The following IFTAP variants were observed in gnomAD, a reference collection of about 807,000 sequenced individuals.
The protein encoded by IFTAP is intraflagellar transport associated protein, also known as intraflagellar transport-associated protein.
IFTAP carries 19 observed loss-of-function variants against 19.4 expected under a neutral mutation model. The observed-to-expected ratio is 0.98, with a 90% confidence interval of 0.68 to 1.44. The LOEUF (loss-of-function observed/expected upper bound fraction) is 1.44. Among genes scored for constraint, IFTAP ranks in the 40% most tolerant of loss-of-function variants. The pLI is 0.00. For missense variants in IFTAP, 240 were observed against 253.6 expected, an observed-to-expected ratio of 0.95 and a Z score of 0.36; for synonymous variants, 85 against 83.5, an observed-to-expected ratio of 1.02 and a Z score of -0.10.
intron 2 of IFTAP, among the ~76,000 whole-genome samples, chr11:36,612,079 A>G (rs1851897897): frequency 6.6e-6 from 1 of 152,072 alleles, no homozygotes; most frequent in Non-Finnish European, 1.5e-5. Flanking sequence ...GGACTTTGAT[A>G]TATTTAGGGG....
chr11:36,619,725 A>T lies in IFTAP; in HGVS notation c.136+9486A>T, dbSNP rs1303981585. Among the ~76,000 whole-genome samples the T allele has an allele frequency of 3.9e-5, 6 of 152,026 alleles. No individual in the cohort carries two copies. In the East Asian group the frequency reaches 1.2e-3, roughly 29 times the overall value. On this transcript the variant is annotated intron_variant, in intron 2 of 5. Transcript: ENST00000334307. ...AGCTTTATGCTTCCAGGTGGCACTG[A>T]AGCCACATTTTCAGTGCCGTTGTTA...
At chr11:36,655,939 C>T (rs1490435618) in intron 5 of IFTAP, among the ~76,000 whole-genome samples, 1 of 151,966 alleles carries the variant, frequency 6.6e-6, no homozygotes, top group East Asian at 1.9e-4. Flanking sequence ...AGAAAATCAT[C>T]CTCCATGACA....
chr11:36,612,171 A>G lies in IFTAP; in HGVS notation c.136+1932A>G, dbSNP rs1337004888. 2.0e-5 allele frequency among the ~76,000 whole-genome samples: 3 copies of G among 152,008 alleles called. No individual in the cohort carries two copies. In the East Asian group the frequency reaches 5.8e-4, roughly 29 times the overall value. Reference sequence around the variant, plus strand: ...ATGATCATTGCATGCTGAGAAAGAAACTGTTGCAGATGTGATAACTTCATT... The same window carrying G: ...ATGATCATTGCATGCTGAGAAAGAAGCTGTTGCAGATGTGATAACTTCATT... On this transcript the variant is annotated intron_variant, in intron 2 of 5. Transcript: ENST00000334307.
intron 5 of IFTAP, among the ~76,000 whole-genome samples, chr11:36,656,233 G>A (rs1025466960): frequency 6.6e-6 from 1 of 152,202 alleles, no homozygotes; most frequent in Admixed American, 6.5e-5. Context: ...GAAGTGATGT[G>A]TGGGGAGGCT....
intron 1 of IFTAP, among the ~76,000 whole-genome samples, chr11:36,601,440 A>G (rs1453371029): frequency 6.6e-6 from 1 of 152,180 alleles, no homozygotes; most frequent in African/African-American, 2.4e-5. Flanking sequence ...TTAGTTAGAT[A>G]TGGCCACCTG....
intron 4 of IFTAP, among the ~76,000 whole-genome samples, chr11:36,644,017 G>C (rs1853351650): frequency 6.6e-6 from 1 of 152,150 alleles, no homozygotes; most frequent in South Asian, 2.1e-4. Flanking sequence ...TTAAACTAAA[G>C]AGCGTCTGCA....
At chr11:36,636,225 A>G (rs871912) in intron 4 of IFTAP, 108 bp downstream of exon 4, 64,527 of 770,450 alleles carry the variant, frequency 0.084, 3,131 homozygotes, top group African/African-American at 0.17. Flanking sequence ...CACCTCTCCT[A>G]AGACAGGAAG....
intron 4 of IFTAP, among the ~76,000 whole-genome samples, chr11:36,646,643 G>A (rs1044960675): frequency 3.5e-4 from 53 of 152,122 alleles, no homozygotes; most frequent in African/African-American, 1.2e-3. Context: ...AAGAAAGTTC[G>A]TAATGTGACA....
intron 1 of IFTAP, among the ~76,000 whole-genome samples, chr11:36,597,340 C>T (rs1400123303): frequency 1.3e-5 from 2 of 152,098 alleles, no homozygotes; most frequent in African/African-American, 2.4e-5. Flanking sequence ...TCTAAAATAA[C>T]CTACTGAAGT....
chr11:36,641,677 G>A (rs1026454240), intron 4 of IFTAP, among the ~76,000 whole-genome samples: 2 of 152,156 alleles, frequency 1.3e-5, no homozygotes, highest in Non-Finnish European at 2.9e-5. Context: ...ATTTGCTGAG[G>A]AGTGCTTTAC....
intron 2 of IFTAP, among the ~76,000 whole-genome samples, chr11:36,619,410 C>T (rs1486176561): frequency 2.6e-5 from 4 of 151,858 alleles, no homozygotes; most frequent in African/African-American, 7.3e-5. Flanking sequence ...AGAGGCTTTT[C>T]CCAATCTGAA....
chr11:36,610,491 A>G (rs969051294), intron 2 of IFTAP, among the ~76,000 whole-genome samples: 2 of 152,190 alleles, frequency 1.3e-5, no homozygotes, highest in Non-Finnish European at 2.9e-5. Flanking sequence ...TGACTTGAGA[A>G]ATCATTTAAT....
intron 1 of IFTAP, among the ~76,000 whole-genome samples, chr11:36,600,599 G>T (rs1186208840): frequency 6.6e-6 from 1 of 152,174 alleles, no homozygotes; most frequent in African/African-American, 2.4e-5. Flanking sequence ...GTGCGAAAAA[G>T]GTTGGGAACT....
Position 36,610,148 on chromosome 11 carries a change from A to G in IFTAP, c.45A>G (p.Gln15=). The change falls in exon 2 of 6, where the codon CAA becomes CAG. Residue 15 remains glutamine, a synonymous_variant. Coordinates refer to ENST00000334307, the MANE Select transcript of IFTAP (RefSeq NM_138787.4). The part of the protein sequence containing the change: ...MSGLEIMDED[Q]LIKDVLDKFL... The stretch of plus-strand genomic sequence containing the variant: ...GATTGGAAATAATGGATGAAGATCA[A>G]TTAATCAAAGACGTCTTGGATAAAT... 2 of 1,612,636 alleles carry G rather than the reference A, an allele frequency of 1.2e-6. No individual in the cohort carries two copies. The highest frequency in any genetic ancestry group is 1.7e-6 in the Non-Finnish European group (2 of 1,178,818).
rs775124052 is a variant in IFTAP, at chr11:36,636,072, GA to G, written c.315del (p.Asp106IlefsTer12). 1 of 1,608,538 alleles carries G rather than the reference GA, an allele frequency of 6.2e-7. No homozygotes were observed. Among genetic ancestry groups the G allele is most frequent in the Middle Eastern group, 1.7e-4 (1 of 6,010 alleles). ...CTAGGTAGATAATTTCCTAGATTTA[GA>G]AGATTTGGACATGGATGAAGAGATT... ...EEQVDNFLDL[E>X]DLDMDEEIKP... On this transcript the variant is annotated frameshift_variant, in exon 4 of 6. Transcript: ENST00000334307. LOFTEE classifies it high-confidence loss of function.
At chr11:36,657,504 A>G (rs1854043910) in intron 5 of IFTAP, among the ~76,000 whole-genome samples, 2 of 152,208 alleles carry the variant, frequency 1.3e-5, no homozygotes, top group South Asian at 4.2e-4. Context: ...AGGCTGTGAG[A>G]ATGGATCATC....
intron 2 of IFTAP, among the ~76,000 whole-genome samples, chr11:36,623,293 C>A (rs898802313): frequency 2.0e-5 from 3 of 150,670 alleles, no homozygotes; most frequent in Admixed American, 6.6e-5. Flanking sequence ...ACTTTTTGTC[C>A]ATTTTTGTAT....
chr11:36,646,177 C>T (rs1039132274), intron 4 of IFTAP, among the ~76,000 whole-genome samples: 1 of 152,146 alleles, frequency 6.6e-6, no homozygotes, highest in African/African-American at 2.4e-5. Context: ...CAGAGTTGTC[C>T]TCCTCACTGC....
intron 2 of IFTAP, among the ~76,000 whole-genome samples, chr11:36,619,949 A>C (rs1852234016): frequency 1.1e-5 from 1 of 89,078 alleles, no homozygotes; most frequent in Admixed American, 1.3e-4. Flanking sequence ...AACTTACTTT[A>C]ACTGAAGACA....
Sources: gnomAD v4.1 joint callset for allele counts (sites outside exome capture counted in the v4.1 genomes callset) on GRCh38, gnomAD v4.1.1 for gene constraint, MANE v1.5 for transcripts, NCBI Gene and HGNC (gene_info 2026-07-23, HGNC 2026-07-21) for gene names.